Variants in MARCHF4 observed in about 807,000 individuals in gnomAD.
MARCHF4 encodes E3 ubiquitin-protein ligase MARCHF4.
A neutral mutation model predicts 43.9 loss-of-function variants in MARCHF4; 14 were observed. The observed-to-expected ratio is 0.32, with a 90% CI of 0.21 to 0.50. The LOEUF is 0.50. Among genes scored for constraint, MARCHF4 ranks in the 20% least tolerant of loss-of-function variants. MARCHF4 has a pLI of 0.98. For missense variants in MARCHF4, 468 were observed against 536.7 expected, an observed-to-expected ratio of 0.87 and a Z score of 1.27; for synonymous variants, 226 against 213.3, an observed-to-expected ratio of 1.06 and a Z score of -0.52.
At chr2:216,260,194 GGCAGT>G (rs1172471450) in intron 3 of MARCHF4, among the ~76,000 whole-genome samples, 2 of 152,210 alleles carry the variant, frequency 1.3e-5, no homozygotes, top group African/African-American at 4.8e-5. Flanking sequence ...ATCTGCCAGA[GGCAGT>G]GATAGAGTTG....
At chr2:216,340,390 A>G (rs892933716) in intron 1 of MARCHF4, among the ~76,000 whole-genome samples, 2 of 152,242 alleles carry the variant, frequency 1.3e-5, no homozygotes, top group Non-Finnish European at 2.9e-5. Context: ...CCAGGAATTC[A>G]CACAGGCCTC....
chr2:216,274,645 C>T (rs1690993118), intron 3 of MARCHF4, among the ~76,000 whole-genome samples: 1 of 152,172 alleles, frequency 6.6e-6, no homozygotes, highest in South Asian at 2.1e-4. Context: ...CCCACCATTG[C>T]CTTGCACCTC....
At chr2:216,340,813 C>T (rs1295999386) in intron 1 of MARCHF4, among the ~76,000 whole-genome samples, 1 of 152,114 alleles carries the variant, frequency 6.6e-6, no homozygotes, top group African/African-American at 2.4e-5. Context: ...ATGTGGGGGC[C>T]ACAGAATAGA....
chr2:216,284,019 C>T (rs1031583695), intron 1 of MARCHF4, among the ~76,000 whole-genome samples: 22 of 152,290 alleles, frequency 1.4e-4, no homozygotes, highest in African/African-American at 2.2e-4. Flanking sequence ...CTGGTTTCTG[C>T]GGAAGCCTCT....
rs759171734 is a variant in MARCHF4, at chr2:216,369,974, A to C, written c.287T>G (p.Val96Gly). ...GWAGWRGPREVVGREPPPVPP... is the reference protein window; with the variant it reads ...GWAGWRGPREGVGREPPPVPP... ...CACAGGAGGGGGCTCCCTGCCCACC[A>C]CTTCTCGGGGGCCCCTCCAGCCTGC... The change falls in exon 1 of 4, where the codon GTG (valine) becomes GGG (glycine). Residue 96 changes from valine to glycine, a missense_variant. Coordinates refer to ENST00000273067, the MANE Select transcript of MARCHF4 (RefSeq NM_020814.3). The C allele has an allele frequency of 1.9e-5, 29 of 1,557,358 alleles. No individual in the cohort carries two copies. The highest frequency in any genetic ancestry group is 2.5e-5 in the Non-Finnish European group (29 of 1,148,194).
chr2:216,338,315 C>T (rs1692187873), intron 1 of MARCHF4, among the ~76,000 whole-genome samples: 1 of 152,222 alleles, frequency 6.6e-6, no homozygotes, highest in Non-Finnish European at 1.5e-5. Flanking sequence ...CGGCAATCTA[C>T]ACTACCTAGA....
intron 1 of MARCHF4, among the ~76,000 whole-genome samples, chr2:216,368,615 C>A (rs1347923022): frequency 6.6e-6 from 1 of 152,220 alleles, no homozygotes; most frequent in African/African-American, 2.4e-5. Flanking sequence ...GAACCAGAGC[C>A]AGTCAAAGCC....
rs534794391 is a variant in MARCHF4 at position 216,371,844 on chromosome 2, C to T, written c.-1584G>A. Reference sequence around the variant, plus strand: ...TGCTCGGCAGCTCTGCCCCCGCTACCCCCACCAAGGGCGGCCTCGGCCCGC... The same window carrying T: ...TGCTCGGCAGCTCTGCCCCCGCTACTCCCACCAAGGGCGGCCTCGGCCCGC... On this transcript the variant is annotated 5_prime_UTR_variant, in exon 1 of 4. Transcript: ENST00000273067. 31 of 152,436 alleles carry T rather than the reference C, an allele frequency of 2.0e-4. No homozygotes were observed. The highest frequency in any genetic ancestry group is 4.1e-4 in the Non-Finnish European group (28 of 68,140). 9.4% of individuals were successfully genotyped at this position (152,436 alleles called of 1,614,324 possible). A position where few individuals can be genotyped will look rare whatever the true frequency, so the allele number is the denominator to read the frequency against.
intron 1 of MARCHF4, among the ~76,000 whole-genome samples, chr2:216,306,121 CAA>C (rs996368649): frequency 6.6e-6 from 1 of 152,150 alleles, no homozygotes; most frequent in Non-Finnish European, 1.5e-5. Context: ...TTTATACATG[CAA>C]AGTTTTAATT....
In MARCHF4 at chr2:216,283,570, G is replaced by A. The variant is rs1691167134; in HGVS notation, c.672+4C>T. 1.3e-6 allele frequency: 2 copies of A among 1,596,554 alleles called. No individual in the cohort carries two copies. The highest frequency in any genetic ancestry group is 2.7e-5 in the African/African-American group (2 of 74,786). ...CAACCCCACCAGGCAGCCCTGGGTT[G>A]TACCTGCAGAGGATTTTTTGTGCTT... On this transcript the variant is annotated splice_donor_region_variant and intron_variant, in intron 2 of 3. Coordinates refer to ENST00000273067, the MANE Select transcript of MARCHF4 (RefSeq NM_020814.3).
At chr2:216,347,144 T>G (rs578236819) in intron 1 of MARCHF4, among the ~76,000 whole-genome samples, 1 of 152,342 alleles carries the variant, frequency 6.6e-6, no homozygotes, top group Admixed American at 6.5e-5. Flanking sequence ...AAACCTATTT[T>G]CTTTGTGAAT....
chr2:216,369,822 G>T lies in MARCHF4; in HGVS notation c.439C>A (p.Arg147Ser), dbSNP rs771061311. The T allele has an allele frequency of 8.1e-6, 13 of 1,613,854 alleles. No individual in the cohort carries two copies. Among genetic ancestry groups the T allele is most frequent in the Non-Finnish European group, 1.1e-5 (13 of 1,179,978 alleles). ...TCCAAGCTGCTGCCCAGTGAGTAGC[G>T]ATCCTCGGTCTTCTCCTTACAGAAG... ...DDFCKEKTEDRYSLGSSLDSG... is the reference protein window; with the variant it reads ...DDFCKEKTEDSYSLGSSLDSG... Residue 147 changes from arginine (R) to serine (S), a missense_variant, in exon 1 of 4, where the codon CGC becomes AGC. Arg to Ser is a moderately radical substitution (Grantham distance 110). This residue lies in a region of MARCHF4 where 158 missense variants were observed against 251.1 expected (regional missense o/e 0.63). Transcript: ENST00000273067.
chr2:216,325,373 GAAAA>G (rs754458760), intron 1 of MARCHF4, among the ~76,000 whole-genome samples: 59 of 152,288 alleles, frequency 3.9e-4, no homozygotes, highest in Non-Finnish European at 7.2e-4. Flanking sequence ...TCAATATTGT[GAAAA>G]TGGCCATACT....
chr2:216,364,461 C>T (rs189668091), intron 1 of MARCHF4, among the ~76,000 whole-genome samples: 1 of 152,166 alleles, frequency 6.6e-6, no homozygotes, highest in Admixed American at 6.5e-5. Context: ...CTCTGCTCCC[C>T]ATTCAGCTGC....
intron 1 of MARCHF4, among the ~76,000 whole-genome samples, chr2:216,302,464 G>A (rs948819504): frequency 3.3e-5 from 5 of 150,286 alleles, no homozygotes; most frequent in African/African-American, 7.4e-5. Flanking sequence ...TCCTGACCTC[G>A]TGATCCACCC....
Position 216,278,477 on chromosome 2 carries a change from G to A in MARCHF4, c.673-613C>T, listed in dbSNP as rs952037657. Among the ~76,000 whole-genome samples, 4 of 152,234 alleles carry A rather than the reference G, an allele frequency of 2.6e-5. No individual in the cohort carries two copies. The East Asian group carries it at 5.8e-4, about 22-fold the overall frequency. On this transcript the variant is annotated intron_variant, in intron 2 of 3. Coordinates refer to ENST00000273067, the MANE Select transcript of MARCHF4 (RefSeq NM_020814.3). ...CCTGACCTCGTGATCCGCCCACCTC[G>A]GCCTCCCAAAGTGCTGGGATTACAG...
chr2:216,288,766 C>T (rs1419323957), intron 1 of MARCHF4, among the ~76,000 whole-genome samples: 1 of 152,050 alleles, frequency 6.6e-6, no homozygotes, highest in Non-Finnish European at 1.5e-5. Flanking sequence ...GTATTCCGCT[C>T]ACTGCAGTGG....
intron 1 of MARCHF4, among the ~76,000 whole-genome samples, chr2:216,344,830 C>T (rs1559104362): frequency 6.6e-6 from 1 of 151,716 alleles, no homozygotes. Context: ...ATGGATGGAG[C>T]CAAGTCCACG....
chr2:216,365,290 C>T (rs1422036014), intron 1 of MARCHF4, among the ~76,000 whole-genome samples: 1 of 152,212 alleles, frequency 6.6e-6, no homozygotes, highest in East Asian at 1.9e-4. Context: ...TCCAGGGAAG[C>T]CAACCCCAGA....
Sources: gnomAD v4.1 joint callset for allele counts (sites outside exome capture counted in the v4.1 genomes callset) on GRCh38, gnomAD v4.1.1 for gene constraint, gnomAD v4.1.1 regional missense constraint, MANE v1.5 for transcripts, NCBI Gene and HGNC (gene_info 2026-07-23, HGNC 2026-07-21) for gene names.